Variants in PLXNA2 observed in about 807,000 individuals in gnomAD.
PLXNA2 encodes the protein plexin-A2.
In PLXNA2, 91 loss-of-function variants were observed where a neutral mutation model predicts 193.5. The observed-to-expected ratio is 0.47, with a 90% CI of 0.40 to 0.56. The LOEUF is 0.56. Among genes scored for constraint, PLXNA2 ranks in the 20% least tolerant of loss-of-function variants. PLXNA2 has a pLI of 0.00. For synonymous variants in PLXNA2, 997 were observed against 1,027.3 expected (o/e 0.97, Z 0.56); for missense variants, 1,995 against 2,503.2 (o/e 0.80, Z 4.33).
At chr1:208,047,715 G>C (rs1665125021) in intron 17 of PLXNA2, among the ~76,000 whole-genome samples, 1 of 152,194 alleles carries the variant, frequency 6.6e-6, no homozygotes, top group Non-Finnish European at 1.5e-5. Context: ...ACACACACAC[G>C]AGCTTCATGT....
rs755530703 is a variant in PLXNA2, at chr1:208,217,715, C to A, written c.208G>T (p.Val70Phe). The A allele has an allele frequency of 6.2e-7, 1 of 1,614,034 alleles. No individual in the cohort carries two copies. The highest frequency in any genetic ancestry group is 1.7e-5 in the Admixed American group (1 of 60,004). The change falls in exon 2 of 32, where the codon GTC becomes TTC. Residue 70 changes from valine (V) to phenylalanine (F), a missense_variant. Transcript: ENST00000367033. This position sits in a 1 kb window ranked among gnomAD's most constrained non-coding sequence, Gnocchi z 4.7. ...GTCAGGTTGCCTGTCAGCTTATAGA[C>A]CCGGTTGATGGCCCCCACATAGACG... is the stretch of plus-strand genomic sequence containing the variant. The part of the protein sequence containing the change: ...GAVYVGAINR[V>F]YKLTGNLTIQ...
intron 3 of PLXNA2, among the ~76,000 whole-genome samples, chr1:208,172,485 G>A (rs1473254067): frequency 6.6e-6 from 1 of 152,106 alleles, no homozygotes; most frequent in East Asian, 1.9e-4. Context: ...CCACAGCACT[G>A]CCCCCATCCG....
Position 208,136,999 on chromosome 1 carries a change from G to C in PLXNA2, c.1506+5330C>G, listed in dbSNP as rs554604723. Among the ~76,000 whole-genome samples the C allele has an allele frequency of 5.9e-5, 9 of 152,316 alleles. No homozygotes were observed. The South Asian group carries it at 1.9e-3, about 32-fold the overall frequency. ...ACACAGATGATCAAACTGAGGTTTAGAGAAGTTGAATAACATTATCAAAAC... is the reference window on the plus strand; with the variant it reads ...ACACAGATGATCAAACTGAGGTTTACAGAAGTTGAATAACATTATCAAAAC... On this transcript the variant is annotated intron_variant, in intron 4 of 31. Coordinates refer to ENST00000367033, the MANE Select transcript of PLXNA2 (RefSeq NM_025179.4).
At chr1:208,235,415 T>C (rs1671821120) in intron 1 of PLXNA2, among the ~76,000 whole-genome samples, 1 of 152,244 alleles carries the variant, frequency 6.6e-6, no homozygotes, top group Non-Finnish European at 1.5e-5. Flanking sequence ...CCAGCACTTG[T>C]CGTTTTTCCA....
At chr1:208,072,498 A>G (rs1571884950) in intron 12 of PLXNA2, among the ~76,000 whole-genome samples, 1 of 152,102 alleles carries the variant, frequency 6.6e-6, no homozygotes, top group Non-Finnish European at 1.5e-5. Flanking sequence ...AGTGTGAACT[A>G]CCTGGGCCCC....
intron 3 of PLXNA2, among the ~76,000 whole-genome samples, chr1:208,161,791 G>T (rs1306377629): frequency 6.6e-6 from 1 of 152,212 alleles, no homozygotes; most frequent in East Asian, 1.9e-4. Flanking sequence ...TCTCTCCCCT[G>T]CCCTCCCTTT....
At chr1:208,237,250 G>A (rs1671891555) in intron 1 of PLXNA2, among the ~76,000 whole-genome samples, 1 of 152,200 alleles carries the variant, frequency 6.6e-6, no homozygotes. Context: ...CCCGAGGAGT[G>A]GACAGCCAAG....
At chr1:208,060,965 GGTGA>G in intron 12 of PLXNA2, 128 bp from the exon 13 acceptor site, 1 of 727,816 alleles carries the variant, frequency 1.4e-6, no homozygotes, top group East Asian at 2.8e-5. Flanking sequence ...CAGGAATTCT[GGTGA>G]GTGAGTGCGT....
At chr1:208,109,646 C>T (rs1401335911) in intron 4 of PLXNA2, among the ~76,000 whole-genome samples, 6 of 152,216 alleles carry the variant, frequency 3.9e-5, no homozygotes, top group Admixed American at 2.6e-4. Context: ...CCCCAAAGAG[C>T]GCTTAAGTCC....
chr1:208,085,487 A>C (rs949833160), intron 9 of PLXNA2, among the ~76,000 whole-genome samples: 1 of 152,234 alleles, frequency 6.6e-6, no homozygotes, highest in African/African-American at 2.4e-5. Context: ...ATGCTGCTAC[A>C]GGGCCTGCAG....
intron 3 of PLXNA2, among the ~76,000 whole-genome samples, chr1:208,148,733 G>A (rs1330164193): frequency 1.3e-5 from 2 of 152,212 alleles, no homozygotes; most frequent in African/African-American, 4.8e-5. Context: ...GTCACCCCTT[G>A]TGAGAAGAGG....
intron 4 of PLXNA2, among the ~76,000 whole-genome samples, chr1:208,117,612 A>G (rs960048208): frequency 6.6e-6 from 1 of 152,178 alleles, no homozygotes; most frequent in African/African-American, 2.4e-5. Context: ...AGCTGCAGCC[A>G]TGGAATGGTT....
intron 5 of PLXNA2, 125 bp from the exon 6 acceptor site, chr1:208,099,094 T>G: frequency 8.5e-7 from 1 of 1,177,382 alleles, no homozygotes; most frequent in Non-Finnish European, 1.2e-6. Context: ...CAAGAAGACT[T>G]TTACTGTACT....
At chr1:208,128,073 G>A (rs1461559022) in intron 4 of PLXNA2, among the ~76,000 whole-genome samples, 4 of 152,186 alleles carry the variant, frequency 2.6e-5, no homozygotes, top group Non-Finnish European at 5.9e-5. Flanking sequence ...GGGGCGGGCA[G>A]AGAGATCCGG....
rs563148220 is a variant in PLXNA2 at position 208,241,398 on chromosome 1, T to G, written c.-81+2245A>C. Among the ~76,000 whole-genome samples, 35 of 152,316 alleles carry G rather than the reference T, an allele frequency of 2.3e-4. No homozygotes were observed. The East Asian group carries it at 6.8e-3, about 29-fold the overall frequency. On this transcript the variant is annotated intron_variant, in intron 1 of 31. Coordinates refer to ENST00000367033, the MANE Select transcript of PLXNA2 (RefSeq NM_025179.4). ...GCTCTGAAAGGGGGGCCACCAACCT[T>G]GTAATGACATGGTTTTGGGCGATGG... is the stretch of plus-strand genomic sequence containing the variant.
chr1:208,241,000 A>T (rs1672033508), intron 1 of PLXNA2, among the ~76,000 whole-genome samples: 1 of 152,146 alleles, frequency 6.6e-6, no homozygotes, highest in African/African-American at 2.4e-5. Context: ...AAAACCCCCA[A>T]ACAGTGACAA....
chr1:208,115,527 A>G (rs1667608309), intron 4 of PLXNA2, among the ~76,000 whole-genome samples: 1 of 152,182 alleles, frequency 6.6e-6, no homozygotes, highest in East Asian at 1.9e-4. Context: ...TACAGAGCCC[A>G]TGTTCTCAAC....
At chr1:208,108,405 T>C (rs555640449) in intron 4 of PLXNA2, among the ~76,000 whole-genome samples, 3 of 152,222 alleles carry the variant, frequency 2.0e-5, no homozygotes, top group African/African-American at 7.2e-5. Flanking sequence ...GGGCAGTTAC[T>C]CCCATCAGGA....
intron 1 of PLXNA2, among the ~76,000 whole-genome samples, chr1:208,234,963 G>C (rs1671809070): frequency 6.6e-6 from 1 of 152,170 alleles, no homozygotes; most frequent in African/African-American, 2.4e-5. Flanking sequence ...AAGCTACTCT[G>C]TGCAGGAGAG....
Sources: gnomAD v4.1 joint callset for allele counts (sites outside exome capture counted in the v4.1 genomes callset) on GRCh38, gnomAD v4.1.1 for gene constraint, Gnocchi (gnomAD v3.1) non-coding constraint, MANE v1.5 for transcripts, NCBI Gene and HGNC (gene_info 2026-07-23, HGNC 2026-07-21) for gene names.